Variants in KLF12 observed in about 807,000 individuals in gnomAD.
KLF12 encodes Krueppel-like factor 12.
A neutral mutation model predicts 37.8 loss-of-function variants in KLF12; 9 were observed. That is an observed-to-expected ratio of 0.24 (90% CI 0.14 to 0.42). KLF12 has a LOEUF of 0.42. KLF12 is among the 10% of genes least tolerant of loss of function. The probability of loss-of-function intolerance (pLI) is 1.00; values close to 1 mark genes in which losing one functional copy is unlikely to be tolerated. For missense variants in KLF12, 411 were observed against 516.0 expected, an observed-to-expected ratio of 0.80 and a Z score of 1.97; for synonymous variants, 208 against 202.1, an observed-to-expected ratio of 1.03 and a Z score of -0.25.
the KLF12 span, among the ~76,000 whole-genome samples, chr13:74,244,348 A>G: frequency 6.6e-6 from 1 of 152,198 alleles, no homozygotes; most frequent in Admixed American, 6.5e-5. Context: ...TACTGAAGTA[A>G]GTCTTATTGT....
At chr13:73,746,577 A>T (rs1386659673) in intron 6 of KLF12, among the ~76,000 whole-genome samples, 1 of 152,096 alleles carries the variant, frequency 6.6e-6, no homozygotes, top group Admixed American at 6.5e-5. Flanking sequence ...AGATACCTTT[A>T]TATTAATTCT....
chr13:73,762,640 G>C (rs781745114), intron 6 of KLF12, among the ~76,000 whole-genome samples: 10 of 152,170 alleles, frequency 6.6e-5, no homozygotes, highest in Non-Finnish European at 1.5e-4. Context: ...ACCCAAGCCA[G>C]AGCCAAGCTA....
intron 7 of KLF12, among the ~76,000 whole-genome samples, chr13:73,699,234 A>T (rs1173724505): frequency 6.7e-6 from 1 of 148,594 alleles, no homozygotes; most frequent in Non-Finnish European, 1.5e-5. Flanking sequence ...AAATAAAAAA[A>T]CGTAGCCAGG....
chr13:73,941,991 CCTCT>C (rs1224200788), intron 3 of KLF12, among the ~76,000 whole-genome samples: 5 of 152,092 alleles, frequency 3.3e-5, no homozygotes, highest in Admixed American at 6.6e-5. Context: ...TTTTCATGTC[CCTCT>C]CTAAGGACAA....
chr13:74,083,140 A>T (rs1220976614), intron 1 of KLF12, among the ~76,000 whole-genome samples: 4 of 152,204 alleles, frequency 2.6e-5, no homozygotes, highest in African/African-American at 4.8e-5. Flanking sequence ...GTCAGGCATC[A>T]TCTCTAGATC....
intron 4 of KLF12, among the ~76,000 whole-genome samples, chr13:73,823,183 C>A (rs1334535654): frequency 1.3e-5 from 2 of 151,954 alleles, no homozygotes; most frequent in Admixed American, 1.3e-4. Flanking sequence ...AAAATGGAAT[C>A]TTTTAAGGCA....
chr13:73,704,285 G>A lies in KLF12; in HGVS notation c.1028-8614C>T, dbSNP rs568932491. On this transcript the variant is annotated intron_variant, in intron 7 of 7. Transcript: ENST00000377669. ...GAGGGAGACAGGACATTTCCAACTG[G>A]TGGTCTGAAAGCATCTTCAATATGA... 2.0e-5 allele frequency among the ~76,000 whole-genome samples: 3 copies of A among 152,234 alleles called. No individual in the cohort carries two copies. In the East Asian group the frequency reaches 5.8e-4, roughly 29 times the overall value.
At position 73,712,211 on chromosome 13, in the gene KLF12, G is replaced by T. The variant is rs186689238; in HGVS notation, c.1027+3157C>A. ...AAACTAGCCAGGCATGGTGGCACAT[G>T]CCTGTAATCCCAGCTACTTGGGAGG... On this transcript the variant is annotated intron_variant, in intron 7 of 7. Transcript: ENST00000377669. Among the ~76,000 whole-genome samples the T allele has an allele frequency of 2.6e-5, 4 of 152,110 alleles. No homozygotes were observed. The East Asian group carries it at 7.7e-4, about 29-fold the overall frequency.
intron 1 of KLF12, among the ~76,000 whole-genome samples, chr13:74,070,580 G>A (rs1052709502): frequency 1.3e-5 from 2 of 152,216 alleles, no homozygotes; most frequent in African/African-American, 4.8e-5. Flanking sequence ...ACCTTCCGCA[G>A]AGTGAGGGGA....
chr13:74,211,536 G>A, the KLF12 span, among the ~76,000 whole-genome samples: 6 of 152,106 alleles, frequency 3.9e-5, no homozygotes, highest in Non-Finnish European at 7.4e-5. Context: ...ATTTGCCCGC[G>A]GGCTTCAATT....
chr13:73,862,109 T>C (rs1051799537), intron 3 of KLF12, among the ~76,000 whole-genome samples: 1 of 151,696 alleles, frequency 6.6e-6, no homozygotes, highest in African/African-American at 2.4e-5. Flanking sequence ...TTAAAAACCT[T>C]AACACATAAA....
chr13:74,108,219 A>T (rs181297905), intron 1 of KLF12, among the ~76,000 whole-genome samples: 7 of 152,132 alleles, frequency 4.6e-5, no homozygotes, highest in African/African-American at 1.4e-4. Context: ...TAATAATAAT[A>T]ATAATTTGTC....
intron 6 of KLF12, among the ~76,000 whole-genome samples, chr13:73,717,803 A>G (rs1875929762): frequency 6.6e-6 from 1 of 152,186 alleles, no homozygotes. Flanking sequence ...GCCTCATGTA[A>G]GAACAGCTGT....
intron 3 of KLF12, among the ~76,000 whole-genome samples, chr13:73,865,825 C>T (rs1336434197): frequency 1.3e-5 from 2 of 151,904 alleles, no homozygotes; most frequent in African/African-American, 2.4e-5. Flanking sequence ...ATTCCAAAAG[C>T]GAAAAATACA....
chr13:74,159,199 G>A, the KLF12 span, among the ~76,000 whole-genome samples: 2 of 152,296 alleles, frequency 1.3e-5, no homozygotes, highest in Non-Finnish European at 2.9e-5. Context: ...GCCCACATGT[G>A]CCCATATAAC....
chr13:74,014,434 AC>A (rs773164715), intron 1 of KLF12, among the ~76,000 whole-genome samples: 23 of 152,356 alleles, frequency 1.5e-4, no homozygotes, highest in African/African-American at 3.4e-4. Flanking sequence ...AGTTTAGGGT[AC>A]TAAGGCTGTT....
chr13:73,704,824 C>G (rs1326862158), intron 7 of KLF12, among the ~76,000 whole-genome samples: 1 of 152,112 alleles, frequency 6.6e-6, no homozygotes. Flanking sequence ...ACCACTGTAT[C>G]CCCAGGGCCT....
chr13:74,243,636 T>C, the KLF12 span, among the ~76,000 whole-genome samples: 2 of 152,222 alleles, frequency 1.3e-5, no homozygotes, highest in Non-Finnish European at 2.9e-5. Context: ...GACTTTTTAA[T>C]GGTCGCCATT....
chr13:74,092,641 C>CA (rs149743463), intron 1 of KLF12, among the ~76,000 whole-genome samples: 3 of 149,286 alleles, frequency 2.0e-5, no homozygotes, highest in Admixed American at 6.7e-5. Context: ...AAACAAAAAA[C>CA]AAAAAAAAGA....
Sources: allele counts gnomAD v4.1 joint callset (sites outside exome capture counted in the v4.1 genomes callset), GRCh38; gene constraint gnomAD v4.1.1; transcripts MANE v1.5; gene names NCBI Gene and HGNC (gene_info 2026-07-23, HGNC 2026-07-21).